The following MDFIC2 variants were observed in gnomAD, a reference collection of about 807,000 sequenced individuals.
MDFIC2 encodes myoD family inhibitor domain-containing protein 2.
chr3:70,245,822 AT>A (rs1559543846), intron 2 of MDFIC2, among the ~76,000 whole-genome samples: 2 of 149,942 alleles, frequency 1.3e-5, no homozygotes, highest in Non-Finnish European at 3.0e-5. Flanking sequence ...TCACCATCCA[AT>A]TTTTTTGAAT....
intron 2 of MDFIC2, among the ~76,000 whole-genome samples, chr3:70,296,640 T>G (rs574939319): frequency 6.6e-6 from 1 of 152,316 alleles, no homozygotes; most frequent in Non-Finnish European, 1.5e-5. Flanking sequence ...ATGTTTTCTT[T>G]TCTTCCATTC....
chr3:70,195,421 T>C lies in MDFIC2; in HGVS notation c.*1505A>G, dbSNP rs570627077. ...CTTCCAGGAGCAAGTTGAGAGTGGT[T>C]AAATGCCTTTTTAGAGGCAGTTTAC... On this transcript the variant is annotated 3_prime_UTR_variant, in exon 4 of 4. Coordinates refer to ENST00000567252, the MANE Select transcript of MDFIC2 (RefSeq NM_001364677.1). Among the ~76,000 whole-genome samples, 1 of 152,340 alleles carries C rather than the reference T, an allele frequency of 6.6e-6. No individual in the cohort carries two copies. The highest frequency in any genetic ancestry group is 2.1e-4 in the South Asian group (1 of 4,834).
At chr3:70,283,599 A>C (rs2106684301) in intron 2 of MDFIC2, 1 of 152,182 alleles carries the variant, frequency 6.6e-6, no homozygotes, top group East Asian at 1.9e-4. Context: ...GGTTGTGTCC[A>C]CCACCTACCT....
intron 2 of MDFIC2, among the ~76,000 whole-genome samples, chr3:70,297,600 G>A (rs369893136): frequency 6.6e-5 from 10 of 152,076 alleles, no homozygotes; most frequent in African/African-American, 2.4e-4. Context: ...TCTTTGAAAT[G>A]AAATGCATTA....
At chr3:70,211,230 C>A (rs1400295040) in intron 2 of MDFIC2, among the ~76,000 whole-genome samples, 1 of 151,154 alleles carries the variant, frequency 6.6e-6, no homozygotes, top group Non-Finnish European at 1.5e-5. Flanking sequence ...CCTTTCCTTT[C>A]CCTTTTTCCT....
chr3:70,223,868 C>T (rs1701480695), intron 2 of MDFIC2, among the ~76,000 whole-genome samples: 1 of 151,996 alleles, frequency 6.6e-6, no homozygotes, highest in African/African-American at 2.4e-5. Context: ...TTTTTTCTCC[C>T]TTTATCGTGC....
intron 2 of MDFIC2, among the ~76,000 whole-genome samples, chr3:70,256,099 G>C (rs1292277899): frequency 6.6e-6 from 1 of 152,166 alleles, no homozygotes; most frequent in Non-Finnish European, 1.5e-5. Flanking sequence ...TTAGGTAATG[G>C]AGCAAGAACT....
intron 2 of MDFIC2, among the ~76,000 whole-genome samples, chr3:70,299,807 A>C (rs1384371287): frequency 1.3e-5 from 2 of 152,072 alleles, no homozygotes; most frequent in African/African-American, 4.8e-5. Context: ...TACCTTCCTG[A>C]AGCCAACCTC....
At chr3:70,219,062 A>C (rs1701439168) in intron 2 of MDFIC2, among the ~76,000 whole-genome samples, 1 of 152,192 alleles carries the variant, frequency 6.6e-6, no homozygotes, top group Non-Finnish European at 1.5e-5. Context: ...GGTTTAAAAA[A>C]ATTATTTCTA....
intron 2 of MDFIC2, among the ~76,000 whole-genome samples, chr3:70,230,046 C>T (rs1701543514): frequency 6.6e-6 from 1 of 152,040 alleles, no homozygotes; most frequent in South Asian, 2.1e-4. Flanking sequence ...GTCTTAGATG[C>T]TGTTGCTGCC....
chr3:70,212,413 T>G (rs185414437), intron 2 of MDFIC2, among the ~76,000 whole-genome samples: 18 of 152,270 alleles, frequency 1.2e-4, no homozygotes, highest in African/African-American at 3.4e-4. Flanking sequence ...CAATTTGTCT[T>G]TATTGTATTG....
At chr3:70,242,172 G>C (rs1214955229) in intron 2 of MDFIC2, among the ~76,000 whole-genome samples, 1 of 152,168 alleles carries the variant, frequency 6.6e-6, no homozygotes, top group African/African-American at 2.4e-5. Flanking sequence ...AAAAGCAGAG[G>C]CTGGGGATTG....
chr3:70,244,802 CTA>C (rs1701691289), intron 2 of MDFIC2, among the ~76,000 whole-genome samples: 1 of 152,206 alleles, frequency 6.6e-6, no homozygotes, highest in African/African-American at 2.4e-5. Flanking sequence ...ACATACGTCT[CTA>C]TGTATATATC....
At chr3:70,262,194 CA>C (rs1453027038) in intron 2 of MDFIC2, among the ~76,000 whole-genome samples, 1 of 151,992 alleles carries the variant, frequency 6.6e-6, no homozygotes, top group Non-Finnish European at 1.5e-5. Flanking sequence ...GATGAAAGAA[CA>C]AAAATCATAT....
Position 70,216,272 on chromosome 3 carries a change from T to C in MDFIC2, c.89-9482A>G, listed in dbSNP as rs538321001. On this transcript the variant is annotated intron_variant, in intron 2 of 3. Transcript: ENST00000567252. The stretch of plus-strand genomic sequence containing the variant: ...AACATAATTAGATTAATAACAAATA[T>C]ACTATTCTAATTAGATATCTGATTA... 8.6e-5 allele frequency among the ~76,000 whole-genome samples: 13 copies of C among 150,378 alleles called. 1 individual carries two copies.
intron 2 of MDFIC2, among the ~76,000 whole-genome samples, chr3:70,251,078 A>G (rs1392303423): frequency 6.6e-6 from 1 of 152,182 alleles, no homozygotes; most frequent in African/African-American, 2.4e-5. Flanking sequence ...TATTCATTAA[A>G]CCAAACTCGT....
chr3:70,268,645 C>A (rs892436292), intron 2 of MDFIC2, among the ~76,000 whole-genome samples: 1 of 152,108 alleles, frequency 6.6e-6, no homozygotes, highest in Non-Finnish European at 1.5e-5. Flanking sequence ...CTTTCTTTGT[C>A]AAACCATTAA....
At chr3:70,204,005 T>G (rs1701267282) in intron 3 of MDFIC2, among the ~76,000 whole-genome samples, 1 of 152,178 alleles carries the variant, frequency 6.6e-6, no homozygotes, top group East Asian at 1.9e-4. Flanking sequence ...CAGTGTGTGA[T>G]GTGCAGTAAA....
chr3:70,235,235 GCAT>G (rs1344436988), intron 2 of MDFIC2, among the ~76,000 whole-genome samples: 4 of 152,044 alleles, frequency 2.6e-5, no homozygotes, highest in Non-Finnish European at 4.4e-5. Context: ...CTCTTTCCTT[GCAT>G]CTTCAGTCTT....
Sources: allele counts gnomAD v4.1 joint callset (sites outside exome capture counted in the v4.1 genomes callset), GRCh38; gene constraint gnomAD v4.1.1; transcripts MANE v1.5; gene names NCBI Gene and HGNC (gene_info 2026-07-23, HGNC 2026-07-21).